The following XKR9 variants were observed in gnomAD, a reference collection of about 807,000 sequenced individuals.
The protein encoded by XKR9 is XK related 9.
XKR9 carries 32 observed loss-of-function variants against 32.0 expected under a neutral mutation model. That is an observed-to-expected ratio of 1.00 (90% CI 0.76 to 1.34). XKR9 has a LOEUF of 1.34. Among genes scored for constraint, XKR9 ranks in the 40% most tolerant of loss-of-function variants. The pLI, the probability that XKR9 is intolerant of heterozygous loss-of-function variation, is 0.00. For synonymous variants in XKR9, 168 were observed against 143.4 expected (o/e 1.17, Z -1.22); for missense variants, 546 against 429.7 (o/e 1.27, Z -2.39).
intron 2 of XKR9, among the ~76,000 whole-genome samples, chr8:70,744,924 T>C (rs62532062): frequency 0.36 from 53,486 of 149,642 alleles, 13,032 homozygotes; most frequent in Non-Finnish European, 0.47. Flanking sequence ...TATTTGCCTA[T>C]GATATAGTTT....
the XKR9 span, among the ~76,000 whole-genome samples, chr8:70,901,282 T>A: frequency 3.3e-5 from 5 of 152,286 alleles, no homozygotes; most frequent in East Asian, 1.9e-4. Flanking sequence ...GCAACAGTGT[T>A]AAAGTGTTCC....
At chr8:71,062,519 A>G in the XKR9 span, among the ~76,000 whole-genome samples, 1 of 152,244 alleles carries the variant, frequency 6.6e-6, no homozygotes, top group African/African-American at 2.4e-5. Flanking sequence ...ATTTCCACAT[A>G]CAAATCTGGC....
the XKR9 span, among the ~76,000 whole-genome samples, chr8:70,804,307 C>T: frequency 6.6e-6 from 1 of 152,242 alleles, no homozygotes; most frequent in South Asian, 2.1e-4. Context: ...CCACTGAGTT[C>T]ACAGAGAAGT....
rs532160351 is a variant in XKR9, at chr8:70,709,828, A to G, written c.493+2675A>G. On this transcript the variant is annotated intron_variant, in intron 4 of 4. Transcript: ENST00000408926. ...ACACAAACAAATGGAAAAACATTTGATGCTCATGGACAGGAAGAATCACTA... is the reference window on the plus strand; with the variant it reads ...ACACAAACAAATGGAAAAACATTTGGTGCTCATGGACAGGAAGAATCACTA... 2.6e-5 allele frequency among the ~76,000 whole-genome samples: 4 copies of G among 152,358 alleles called. No homozygotes were observed. In the East Asian group the frequency reaches 7.7e-4, roughly 29 times the overall value.
chr8:70,822,747 G>GT, the XKR9 span, among the ~76,000 whole-genome samples: 981 of 151,910 alleles, frequency 6.5e-3, 10 homozygotes, highest in African/African-American at 0.022. Flanking sequence ...CCCAACCCCA[G>GT]TTTTTTAAGA....
At chr8:70,758,806 G>A (rs1265865607) in intron 2 of XKR9, among the ~76,000 whole-genome samples, 2 of 152,170 alleles carry the variant, frequency 1.3e-5, no homozygotes, top group East Asian at 1.9e-4. Context: ...CAACAGTGAA[G>A]CAGCAGGCAT....
At chr8:71,038,287 T>C in the XKR9 span, among the ~76,000 whole-genome samples, 2 of 148,634 alleles carry the variant, frequency 1.3e-5, no homozygotes, top group Non-Finnish European at 3.0e-5. Flanking sequence ...TTCTTTTCTT[T>C]TCTCTCTCTC....
At chr8:70,894,714 G>A in the XKR9 span, among the ~76,000 whole-genome samples, 8 of 152,284 alleles carry the variant, frequency 5.3e-5, no homozygotes, top group East Asian at 1.4e-3. Context: ...TCTAGGTACT[G>A]GAAAGGCTGC....
chr8:70,740,441 A>T (rs370912174), downstream of XKR9, among the ~76,000 whole-genome samples: 19 of 152,168 alleles, frequency 1.2e-4, no homozygotes, highest in East Asian at 3.3e-3. Context: ...GAGTAGTTTG[A>T]TCATCTGAAG....
At chr8:70,865,208 T>A in the XKR9 span, among the ~76,000 whole-genome samples, 8 of 152,128 alleles carry the variant, frequency 5.3e-5, no homozygotes, top group Non-Finnish European at 1.0e-4. Context: ...GAAGAATTTG[T>A]CTTTTAGACT....
intron 4 of XKR9, among the ~76,000 whole-genome samples, chr8:70,718,608 G>T (rs888001933): frequency 1.3e-5 from 2 of 152,138 alleles, no homozygotes; most frequent in Admixed American, 6.6e-5. Flanking sequence ...TGCTGAGAAT[G>T]ATGGTTTCCA....
chr8:70,975,927 G>T, the XKR9 span, among the ~76,000 whole-genome samples: 10 of 152,130 alleles, frequency 6.6e-5, no homozygotes, highest in Non-Finnish European at 1.2e-4. Context: ...TTGAGCAGTG[G>T]TTTTTAGTTC....
At chr8:70,893,833 C>T in the XKR9 span, among the ~76,000 whole-genome samples, 1 of 152,160 alleles carries the variant, frequency 6.6e-6, no homozygotes, top group East Asian at 1.9e-4. Flanking sequence ...TTTCCAGGTG[C>T]AGGTGCTCAG....
chr8:70,917,019 T>G, the XKR9 span, among the ~76,000 whole-genome samples: 1 of 152,216 alleles, frequency 6.6e-6, no homozygotes, highest in South Asian at 2.1e-4. Context: ...GTTGCTTCAC[T>G]GTCCATGAAT....
the XKR9 span, among the ~76,000 whole-genome samples, chr8:71,057,748 A>G: frequency 6.6e-6 from 1 of 152,108 alleles, no homozygotes; most frequent in African/African-American, 2.4e-5. Flanking sequence ...ACATCCTATT[A>G]GCATTGTGTG....
chr8:71,047,413 AT>A, the XKR9 span, among the ~76,000 whole-genome samples: 1 of 152,212 alleles, frequency 6.6e-6, no homozygotes, highest in African/African-American at 2.4e-5. Flanking sequence ...CACAATATGT[AT>A]TTACAGCTAA....
the XKR9 span, among the ~76,000 whole-genome samples, chr8:71,045,557 G>A: frequency 1.1e-4 from 16 of 152,196 alleles, no homozygotes; most frequent in Non-Finnish European, 1.9e-4. Context: ...GGAACAGAAC[G>A]AGGTAGCACT....
At chr8:70,755,716 C>T (rs1586885043) in intron 2 of XKR9, among the ~76,000 whole-genome samples, 1 of 143,622 alleles carries the variant, frequency 7.0e-6, no homozygotes, top group Non-Finnish European at 1.5e-5. Flanking sequence ...TAATGAGAAC[C>T]CATGGACACG....
intron 2 of XKR9, among the ~76,000 whole-genome samples, chr8:70,769,614 T>A (rs963080590): frequency 6.6e-5 from 10 of 152,110 alleles, no homozygotes; most frequent in Non-Finnish European, 1.5e-4. Context: ...AGTCCCATAT[T>A]TCTTGGAGGC....
Sources: allele counts gnomAD v4.1 joint callset (sites outside exome capture counted in the v4.1 genomes callset), GRCh38; gene constraint gnomAD v4.1.1; transcripts MANE v1.5; gene names NCBI Gene and HGNC (gene_info 2026-07-23, HGNC 2026-07-21).